MED23: variants seen among roughly 807,000 people sequenced by gnomAD.
MED23 encodes mediator of RNA polymerase II transcription subunit 23.
Under a neutral mutation model 163.9 loss-of-function variants are expected in MED23, and 105 were observed. The ratio of observed to expected loss-of-function variants is 0.64; its 90% confidence interval spans 0.55 to 0.75. The LOEUF is 0.75. MED23 is among the 30% of genes least tolerant of loss of function. The probability of loss-of-function intolerance (pLI) is 0.00; values close to 1 mark genes in which losing one functional copy is unlikely to be tolerated. For missense variants in MED23, 1,054 were observed against 1,649.0 expected (o/e 0.64, Z 6.25); for synonymous variants, 561 against 565.6 (o/e 0.99, Z 0.12).
At chr6:131,594,477 T>C (rs1160001487) in intron 22 of MED23, 142 bp from the exon 23 acceptor site, 1 of 745,050 alleles carries the variant, frequency 1.3e-6, no homozygotes. Context: ...TTGTATACTA[T>C]GAATATTTTA....
intron 9 of MED23, among the ~76,000 whole-genome samples, chr6:131,617,081 A>T (rs1474345480): frequency 1.3e-5 from 2 of 149,920 alleles, no homozygotes; most frequent in Admixed American, 6.7e-5. Context: ...ATATTAATTT[A>T]AAAATATTAA....
rs1274587525 is a variant in MED23 at position 131,607,234 on chromosome 6, C to G, written c.1222-610G>C. 3.3e-5 allele frequency among the ~76,000 whole-genome samples: 5 copies of G among 151,074 alleles called. No individual in the cohort carries two copies. In the South Asian group the frequency reaches 8.5e-4, roughly 26 times the overall value. On this transcript the variant is annotated intron_variant, in intron 12 of 28. Transcript: ENST00000368068. Reference sequence around the variant, plus strand: ...CAGCTAGTGCATGGTGGGGTTACAGCTAGTGCATGGTGGGGTTACAGTAAC... The same window carrying G: ...CAGCTAGTGCATGGTGGGGTTACAGGTAGTGCATGGTGGGGTTACAGTAAC...
At chr6:131,615,503 CAAAAAAAAA>C (rs917020235) in intron 10 of MED23, among the ~76,000 whole-genome samples, 357 of 14,130 alleles carry the variant, frequency 0.025, 1 homozygote, top group African/African-American at 0.11. Context: ...AAACACACAC[CAAAAAAAAA>C]AAAAAAAAAA....
chr6:131,592,767 T>C (rs2114599336), intron 24 of MED23: 1 of 605,388 alleles, frequency 1.7e-6, no homozygotes, highest in South Asian at 2.0e-5. Context: ...ATTATTCCTA[T>C]ATTAAATGTC....
At chr6:131,580,816 T>G (rs1773881710) in intron 30 of MED23, among the ~76,000 whole-genome samples, 1 of 152,190 alleles carries the variant, frequency 6.6e-6, no homozygotes, top group African/African-American at 2.4e-5. Context: ...GAGAATTAAG[T>G]ATTTACCAAG....
At chr6:131,590,536 T>C in intron 26 of MED23, 94 bp from the exon 27 acceptor site, 1 of 823,980 alleles carries the variant, frequency 1.2e-6, no homozygotes, top group Non-Finnish European at 1.9e-6. Context: ...TACAATAAAA[T>C]ATAATTTTTT....
rs200396311 is a variant in MED23 at position 131,624,204 on chromosome 6, A to G, written c.284+661T>C. 4.6e-5 allele frequency among the ~76,000 whole-genome samples: 7 copies of G among 152,324 alleles called. No individual in the cohort carries two copies. In the East Asian group the frequency reaches 1.2e-3, roughly 25 times the overall value. Reference sequence around the variant, plus strand: ...CCAAGGAGAGGTAGGGGGAAAGTCTACGTTCTCACTCCTTAGATCTGGGCA... The same window carrying G: ...CCAAGGAGAGGTAGGGGGAAAGTCTGCGTTCTCACTCCTTAGATCTGGGCA... On this transcript the variant is annotated intron_variant, in intron 4 of 28. Transcript: ENST00000368068.
At chr6:131,621,690 A>G (rs17060457) in intron 6 of MED23, among the ~76,000 whole-genome samples, 191 bp downstream of exon 6, 5,335 of 152,272 alleles carry the variant, frequency 0.035, 312 homozygotes, top group African/African-American at 0.12. Flanking sequence ...ATAATTTAAA[A>G]CCATGAATTA....
chr6:131,583,829 T>C, downstream of MED23: 1 of 1,614,138 alleles, frequency 6.2e-7, no homozygotes, highest in Non-Finnish European at 8.5e-7. Flanking sequence ...AACACAGCAG[T>C]TGCAATAACC....
In MED23 at chr6:131,606,537, G is replaced by C; in HGVS notation, c.1309C>G (p.Gln437Glu). 6.2e-7 allele frequency: 1 copy of C among 1,613,580 alleles called. No homozygotes were observed. Among genetic ancestry groups the C allele is most frequent in the Non-Finnish European group, 8.5e-7 (1 of 1,179,662 alleles). ...ATCTGTAGCTTGGAGTTGTCATTTT[G>C]AGCTTTTCTATTGAGATGAATCCAA... ...CIWIHLNRKAQNDNSKLQIPI... is the reference protein window; with the variant it reads ...CIWIHLNRKAENDNSKLQIPI... Residue 437 changes from glutamine to glutamate, a missense_variant, in exon 13 of 29, where the codon CAA (glutamine) becomes GAA (glutamate). Gln to Glu is a conservative substitution (Grantham distance 29). Around this residue, in one of 11 missense-constraint regions of MED23, gnomAD observed 61 missense variants for 154.2 expected, o/e 0.40. Coordinates refer to ENST00000368068, the MANE Select transcript of MED23 (RefSeq NM_004830.4).
At chr6:131,575,372 C>G (rs1182988785) in intron 30 of MED23, among the ~76,000 whole-genome samples, 2 of 151,990 alleles carry the variant, frequency 1.3e-5, no homozygotes, top group African/African-American at 4.8e-5. Context: ...AAACTAAAGG[C>G]AAAACATGAA....
At chr6:131,618,340 CAT>C (rs1254361738) in intron 9 of MED23, 65 bp downstream of exon 9, 2 of 1,018,764 alleles carry the variant, frequency 2.0e-6, no homozygotes, top group African/African-American at 3.2e-5. Context: ...TTTAGCATCA[CAT>C]ATCTTATAAT....
At chr6:131,582,564 A>C (rs944079875), downstream of MED23, 4 of 1,331,598 alleles carry the variant, frequency 3.0e-6, no homozygotes, top group African/African-American at 1.4e-5. Context: ...TTACCTTTGA[A>C]TGTAGGATTT....
downstream of MED23, among the ~76,000 whole-genome samples, chr6:131,584,824 C>CAT (rs1345766520): frequency 7.0e-6 from 1 of 142,722 alleles, no homozygotes; most frequent in Non-Finnish European, 1.5e-5. Context: ...AATACACACA[C>CAT]ACACACACAC....
rs370852442 is a variant in MED23 at position 131,602,214 on chromosome 6, G to A, written c.2095+4C>T. 35 of 1,613,274 alleles carry A rather than the reference G, an allele frequency of 2.2e-5. No homozygotes were observed. Among genetic ancestry groups the A allele is most frequent in the South Asian group, 1.9e-4 (17 of 91,064 alleles). ...TGTTGTTTGTAGTCACATATTCACC[G>A]TACCTGTTACATGAGTTGCTCTAGC... On this transcript the variant is annotated splice_donor_region_variant and intron_variant, in intron 17 of 28. Transcript: ENST00000368068.
rs777306318 is a variant in MED23 at position 131,627,500 on chromosome 6, T to A, written c.72-17A>T. ...ATAAACATGCTAAAAAAATAAAAAT[T>A]ACATTATTTGTCATTCGTTTTAAAA... On this transcript the variant is annotated splice_polypyrimidine_tract_variant and intron_variant, in intron 2 of 28. Coordinates refer to ENST00000368068, the MANE Select transcript of MED23 (RefSeq NM_004830.4). 1 of 1,606,170 alleles carries A rather than the reference T, an allele frequency of 6.2e-7. No individual in the cohort carries two copies. The highest frequency in any genetic ancestry group is 8.5e-7 in the Non-Finnish European group (1 of 1,173,148).
chr6:131,618,834 C>A (rs2608904), intron 8 of MED23, among the ~76,000 whole-genome samples: 126,381 of 152,278 alleles, frequency 0.83, 53,183 homozygotes, highest in East Asian at 1. Context: ...ATTGGAACAC[C>A]ACTGCTTTTG....
At chr6:131,582,946 T>G (rs1360599567), downstream of MED23, 2 of 848,884 alleles carry the variant, frequency 2.4e-6, no homozygotes, top group African/African-American at 3.5e-5. Flanking sequence ...TTGAGTTAGG[T>G]TCATAGAACC....
intron 4 of MED23, 71 bp downstream of exon 4, chr6:131,624,794 C>G (rs895318965): frequency 6.5e-7 from 1 of 1,547,744 alleles, no homozygotes; most frequent in African/African-American, 1.4e-5. Flanking sequence ...TTTACAACAA[C>G]AACCTCAACC....
Sources: gnomAD v4.1 joint callset for allele counts (sites outside exome capture counted in the v4.1 genomes callset) on GRCh38, gnomAD v4.1.1 for gene constraint, gnomAD v4.1.1 regional missense constraint, MANE v1.5 for transcripts, NCBI Gene and HGNC (gene_info 2026-07-23, HGNC 2026-07-21) for gene names.